ITSN1: variants seen among roughly 807,000 people sequenced by gnomAD.
ITSN1 encodes the protein intersectin-1.
In ITSN1, 58 loss-of-function variants were observed where a neutral mutation model predicts 239.8. The ratio of observed to expected loss-of-function variants is 0.24; its 90% confidence interval spans 0.20 to 0.30. The LOEUF (loss-of-function observed/expected upper bound fraction) is 0.30. ITSN1 is among the 10% of genes least tolerant of loss of function. ITSN1 has a pLI of 1.00. For missense variants in ITSN1, 1,558 were observed against 2,103.3 expected (o/e 0.74, Z 5.07); for synonymous variants, 780 against 770.8 (o/e 1.01, Z -0.20).
chr21:33,774,894 T>G lies in ITSN1; in HGVS notation c.1455+16T>G. On this transcript the variant is annotated intron_variant, in intron 13 of 39. Transcript: ENST00000381318. Reference sequence around the variant, plus strand: ...AGAAGCTCTAGTGAGTGAAGTTTGGTTATACTTTGAAAATATACTAAGATG... The same window carrying G: ...AGAAGCTCTAGTGAGTGAAGTTTGGGTATACTTTGAAAATATACTAAGATG... 1 of 1,607,390 alleles carries G rather than the reference T, an allele frequency of 6.2e-7. No individual in the cohort carries two copies. The highest frequency in any genetic ancestry group is 8.5e-7 in the Non-Finnish European group (1 of 1,177,668).
chr21:33,784,621 G>A (rs1291794263), intron 16 of ITSN1, among the ~76,000 whole-genome samples: 1 of 152,222 alleles, frequency 6.6e-6, no homozygotes, highest in Non-Finnish European at 1.5e-5. Flanking sequence ...ATTATCTCTA[G>A]TATTCCTCTC....
At chr21:33,799,602 ACTCT>A (rs370789100) in intron 18 of ITSN1, among the ~76,000 whole-genome samples, 6 of 151,102 alleles carry the variant, frequency 4.0e-5, no homozygotes, top group Non-Finnish European at 8.8e-5. Flanking sequence ...TCACTAATGA[ACTCT>A]CTCATGGGTT....
intron 19 of ITSN1, among the ~76,000 whole-genome samples, chr21:33,800,299 G>GTATATA (rs911826702): frequency 6.6e-6 from 1 of 151,508 alleles, no homozygotes; most frequent in Non-Finnish European, 1.5e-5. Context: ...GTGTGCGTGT[G>GTATATA]TATATATATG....
At chr21:33,679,940 C>T (rs1370545753) in intron 1 of ITSN1, among the ~76,000 whole-genome samples, 3 of 152,074 alleles carry the variant, frequency 2.0e-5, no homozygotes, top group African/African-American at 4.8e-5. Context: ...CCTCGTGATC[C>T]GCCTGTCTGG....
chr21:33,888,716 A>G lies in ITSN1; in HGVS notation c.*416A>G, dbSNP rs975156825. On this transcript the variant is annotated 3_prime_UTR_variant, in exon 40 of 40. Coordinates refer to ENST00000381318, the MANE Select transcript of ITSN1 (RefSeq NM_003024.3). The stretch of plus-strand genomic sequence containing the variant: ...CTGTTTCTTACATCCACCAGTCCCC[A>G]AGTAGACTTCTTGGCCTACAATGCC... 2 of 154,758 alleles carry G rather than the reference A, an allele frequency of 1.3e-5. No individual in the cohort carries two copies. Among genetic ancestry groups the G allele is most frequent in the African/African-American group, 2.4e-5 (1 of 41,508 alleles). The allele number at this position is 154,758 out of a possible 1,614,324, so 9.6% of individuals were successfully genotyped here.
At chr21:33,847,817 G>T (rs986253189) in intron 29 of ITSN1, among the ~76,000 whole-genome samples, 5 of 152,164 alleles carry the variant, frequency 3.3e-5, no homozygotes. Flanking sequence ...AATCCCACCC[G>T]CTTTTCGCGC....
chr21:33,863,549 G>A (rs985753700), intron 31 of ITSN1, among the ~76,000 whole-genome samples: 2 of 152,128 alleles, frequency 1.3e-5, no homozygotes, highest in African/African-American at 4.8e-5. Context: ...CCAGCCACTC[G>A]GGAGACTGAG....
intron 11 of ITSN1, among the ~76,000 whole-genome samples, chr21:33,770,127 G>A (rs539604342): frequency 6.7e-6 from 1 of 148,690 alleles, no homozygotes; most frequent in Non-Finnish European, 1.5e-5. Context: ...GCAGTGGCGC[G>A]ATCTTGGCTC....
intron 33 of ITSN1, among the ~76,000 whole-genome samples, chr21:33,870,217 C>T (rs1487741569): frequency 3.9e-5 from 6 of 152,216 alleles, no homozygotes; most frequent in African/African-American, 1.2e-4. Flanking sequence ...TTCTCTCTTC[C>T]AACACCACAG....
intron 14 of ITSN1, among the ~76,000 whole-genome samples, chr21:33,777,498 G>T (rs563862611): frequency 1.9e-3 from 295 of 152,188 alleles, no homozygotes; most frequent in Non-Finnish European, 3.1e-3. Context: ...TTGGAATTTT[G>T]TTGGAATTCC....
At chr21:33,677,977 A>G (rs2090697773) in intron 1 of ITSN1, among the ~76,000 whole-genome samples, 1 of 152,214 alleles carries the variant, frequency 6.6e-6, no homozygotes, top group Non-Finnish European at 1.5e-5. Flanking sequence ...TAGCTTCTAC[A>G]GTGTAAATAA....
chr21:33,882,522 A>G lies in ITSN1; in HGVS notation c.4554+67A>G. The G allele has an allele frequency of 1.4e-6, 2 of 1,413,426 alleles. No homozygotes were observed. Among genetic ancestry groups the G allele is most frequent in the East Asian group, 4.7e-5 (2 of 42,676 alleles). 87.6% of individuals were successfully genotyped at this position (1,413,426 alleles called of 1,614,324 possible). A position where few individuals can be genotyped will look rare whatever the true frequency, so the allele number is the denominator to read the frequency against. ...TTTGGGGAGGAAGAAGTTTCCAAAA[A>G]GGAGGTAGAGTTTTAGCAGGGTCAG... On this transcript the variant is annotated intron_variant, in intron 35 of 39. Coordinates refer to ENST00000381318, the MANE Select transcript of ITSN1 (RefSeq NM_003024.3). The surrounding 1 kb of genome is among the most constrained non-coding windows in gnomAD (Gnocchi z 4.5).
chr21:33,749,628 C>T (rs373997408), intron 5 of ITSN1, among the ~76,000 whole-genome samples: 5 of 148,876 alleles, frequency 3.4e-5, no homozygotes, highest in South Asian at 2.1e-4. Context: ...GGTGACAGAG[C>T]GAGACTCCAT....
intron 1 of ITSN1, among the ~76,000 whole-genome samples, chr21:33,703,503 T>G (rs1032073363): frequency 2.0e-5 from 3 of 152,234 alleles, no homozygotes; most frequent in Non-Finnish European, 4.4e-5. Flanking sequence ...TTTCTATTTT[T>G]TGTACCTAAA....
chr21:33,738,616 G>A (rs958389291), intron 5 of ITSN1, among the ~76,000 whole-genome samples: 1 of 152,092 alleles, frequency 6.6e-6, no homozygotes, highest in Non-Finnish European at 1.5e-5. Flanking sequence ...TGGCCAGGCT[G>A]GTCTTGAACT....
At chr21:33,700,950 TCTGTGTG>T (rs1265115590) in intron 1 of ITSN1, among the ~76,000 whole-genome samples, 179 of 119,124 alleles carry the variant, frequency 1.5e-3, no homozygotes, top group African/African-American at 5.3e-3. Flanking sequence ...ATTTCTTTTT[TCTGTGTG>T]TGTGTGTGTG....
rs184249455 is a variant in ITSN1, at chr21:33,755,942, A to G, written c.724+545A>G. Among the ~76,000 whole-genome samples, 426 of 152,332 alleles carry G rather than the reference A, an allele frequency of 2.8e-3. 2 individuals are homozygous for G. Among genetic ancestry groups the G allele is most frequent in the African/African-American group, 9.8e-3 (406 of 41,574 alleles). On this transcript the variant is annotated intron_variant, in intron 8 of 39. Transcript: ENST00000381318. ...AGAATGATTCTGTTATCTACGTCAG[A>G]AGGATAGACAGGAATTTTAGCATAC...
Position 33,896,194 on chromosome 21 carries a change from ACCCC to A in ITSN1, c.*7895_*7898del, listed in dbSNP as rs1246147525. 6.6e-6 allele frequency: 1 copy of A among 152,312 alleles called. No homozygotes were observed. The highest frequency in any genetic ancestry group is 1.5e-5 in the Non-Finnish European group (1 of 68,128). The allele number at this position is 152,312 out of a possible 1,614,324, so 9.4% of individuals were successfully genotyped here. ...AACCGAGCCCCTAGTTCACAGCTGT[ACCCC>A]AAGGCTGGAGAGGGGGTTGCCGGTG... On this transcript the variant is annotated 3_prime_UTR_variant, in exon 40 of 40. Coordinates refer to ENST00000381318, the MANE Select transcript of ITSN1 (RefSeq NM_003024.3).
intron 1 of ITSN1, among the ~76,000 whole-genome samples, chr21:33,685,513 A>G (rs1181872560): frequency 2.6e-5 from 4 of 152,070 alleles, no homozygotes; most frequent in Admixed American, 2.0e-4. Context: ...TAATATACCA[A>G]CTTTTAAAGC....
Sources: allele counts gnomAD v4.1 joint callset (sites outside exome capture counted in the v4.1 genomes callset), GRCh38; gene constraint gnomAD v4.1.1; non-coding constraint Gnocchi (gnomAD v3.1); transcripts MANE v1.5; gene names NCBI Gene and HGNC (gene_info 2026-07-23, HGNC 2026-07-21).